LRRC37A: variants seen among roughly 807,000 people sequenced by gnomAD.
LRRC37A encodes the protein leucine-rich repeat-containing protein 37A.
LRRC37A carries 3 observed loss-of-function variants against 35.4 expected under a neutral mutation model. That is an observed-to-expected ratio of 0.08 (90% CI 0.04 to 0.22). LRRC37A has a LOEUF of 0.22. LRRC37A is among the 10% of genes least tolerant of loss of function. The pLI is 1.00. For missense variants in LRRC37A, 67 were observed against 565.3 expected (o/e 0.12, Z 8.94); for synonymous variants, 23 against 215.0 (o/e 0.11, Z 7.81).
At chr17:46,291,725 G>C (rs2050072660), upstream of LRRC37A, among the ~76,000 whole-genome samples, 1 of 151,906 alleles carries the variant, frequency 6.6e-6, no homozygotes, top group Non-Finnish European at 1.5e-5. Context: ...GGGAGTTTGA[G>C]ACCAGCCTGG....
chr17:46,253,242 G>A, the LRRC37A span, among the ~76,000 whole-genome samples: 3 of 146,538 alleles, frequency 2.0e-5, no homozygotes, highest in Non-Finnish European at 4.5e-5. Flanking sequence ...CGGCCGGGCA[G>A]AGACGCTCCT....
At chr17:46,250,395 G>A in the LRRC37A span, among the ~76,000 whole-genome samples, 9 of 152,192 alleles carry the variant, frequency 5.9e-5, no homozygotes, top group African/African-American at 9.7e-5. Context: ...GGGTGTGTCC[G>A]TGAGGGTGTT....
At chr17:46,273,687 T>C in the LRRC37A span, among the ~76,000 whole-genome samples, 1 of 152,254 alleles carries the variant, frequency 6.6e-6, no homozygotes, top group Non-Finnish European at 1.5e-5. Context: ...ATAGAAGCTA[T>C]TACCACAATG....
At chr17:46,276,723 T>C in the LRRC37A span, among the ~76,000 whole-genome samples, 1 of 152,154 alleles carries the variant, frequency 6.6e-6, no homozygotes, top group Non-Finnish European at 1.5e-5. Context: ...GCAATAGAAA[T>C]TCCCTAAAAA....
the LRRC37A span, among the ~76,000 whole-genome samples, chr17:46,282,061 A>AT: frequency 3.5e-4 from 54 of 152,156 alleles, no homozygotes; most frequent in Admixed American, 1.3e-3. Flanking sequence ...GAGAATAAAA[A>AT]TTGGATACTT....
the LRRC37A span, among the ~76,000 whole-genome samples, chr17:46,268,895 G>A: frequency 6.6e-6 from 1 of 152,244 alleles, no homozygotes; most frequent in South Asian, 2.1e-4. Flanking sequence ...TGAGCTCAGT[G>A]TCAAGGTGAT....
At chr17:46,265,467 CCTT>C in the LRRC37A span, among the ~76,000 whole-genome samples, 18 of 150,358 alleles carry the variant, frequency 1.2e-4, no homozygotes, top group East Asian at 4.1e-4. Context: ...TCCTCCTCTT[CCTT>C]CTTCTTCTTC....
intron 5 of LRRC37A, among the ~76,000 whole-genome samples, chr17:46,321,538 C>G (rs1207697356): frequency 2.7e-5 from 1 of 37,340 alleles, no homozygotes; most frequent in Non-Finnish European, 4.6e-5. Flanking sequence ...TCTTCTTTGG[C>G]TATAAAGCAA....
At chr17:46,286,629 A>G in the LRRC37A span, among the ~76,000 whole-genome samples, 1 of 152,246 alleles carries the variant, frequency 6.6e-6, no homozygotes, top group Non-Finnish European at 1.5e-5. Context: ...TAAATTTTGA[A>G]GGGTAGGTAA....
intron 4 of LRRC37A, 78 bp downstream of exon 4, chr17:46,305,658 TATG>T (rs2050534165): frequency 2.3e-6 from 1 of 430,914 alleles, no homozygotes; most frequent in Non-Finnish European, 4.3e-6. Context: ...ATTCTTGAAA[TATG>T]ATTAAAATTT....
chr17:46,277,675 G>A, the LRRC37A span, among the ~76,000 whole-genome samples: 1 of 122,672 alleles, frequency 8.2e-6, no homozygotes, highest in African/African-American at 2.6e-5. Context: ...TTGAGACAGA[G>A]TCTTGCTGTT....
the LRRC37A span, among the ~76,000 whole-genome samples, chr17:46,270,556 T>TA: frequency 1.3e-5 from 2 of 152,114 alleles, no homozygotes; most frequent in African/African-American, 2.4e-5. Context: ...TTCTTTAAGA[T>TA]AAAAAAAATT....
At chr17:46,259,113 A>G in the LRRC37A span, among the ~76,000 whole-genome samples, 1 of 148,464 alleles carries the variant, frequency 6.7e-6, no homozygotes, top group Non-Finnish European at 1.5e-5. Flanking sequence ...CTATACAGAA[A>G]CCAAAACCAG....
Sources: allele counts gnomAD v4.1 joint callset (sites outside exome capture counted in the v4.1 genomes callset), GRCh38; gene constraint gnomAD v4.1.1; transcripts MANE v1.5; gene names NCBI Gene and HGNC (gene_info 2026-07-23, HGNC 2026-07-21).